The following KCTD16 variants were observed in gnomAD, a reference collection of about 807,000 sequenced individuals.
The protein encoded by KCTD16 is BTB/POZ domain-containing protein KCTD16.
A neutral mutation model predicts 33.2 loss-of-function variants in KCTD16; 13 were observed. That is an observed-to-expected ratio of 0.39 (90% CI 0.25 to 0.62). KCTD16 has a LOEUF of 0.62. Among genes scored for constraint, KCTD16 ranks in the 20% least tolerant of loss-of-function variants. The pLI is 0.50. For synonymous variants in KCTD16, 197 were observed against 195.3 expected, an observed-to-expected ratio of 1.01 and a Z score of -0.07; for missense variants, 441 against 525.1, an observed-to-expected ratio of 0.84 and a Z score of 1.57.
Position 144,295,471 on chromosome 5 carries a change from A to T in KCTD16, c.832+87925A>T, listed in dbSNP as rs539734139. On this transcript the variant is annotated intron_variant, in intron 3 of 3. Coordinates refer to ENST00000512467, the MANE Select transcript of KCTD16 (RefSeq NM_020768.4). ...GTGAGATTCAGACAAACTCCAGGGG[A>T]GGCAGTGTGACCCTTCAGGGGTTTC... 2.6e-5 allele frequency among the ~76,000 whole-genome samples: 4 copies of T among 152,284 alleles called. No homozygotes were observed. The South Asian group carries it at 8.3e-4, about 32-fold the overall frequency.
chr5:144,459,596 C>T (rs1380895578), intron 3 of KCTD16, among the ~76,000 whole-genome samples: 4 of 151,924 alleles, frequency 2.6e-5, no homozygotes, highest in African/African-American at 9.7e-5. Flanking sequence ...GTGATCTGCT[C>T]GCCTCAGCCT....
At chr5:144,279,157 T>C (rs2126853315) in intron 3 of KCTD16, among the ~76,000 whole-genome samples, 1 of 152,348 alleles carries the variant, frequency 6.6e-6, no homozygotes, top group East Asian at 1.9e-4. Flanking sequence ...CATGACCATG[T>C]TGAATTCGAA....
chr5:144,415,016 A>C (rs998592091), intron 3 of KCTD16, among the ~76,000 whole-genome samples: 1 of 152,204 alleles, frequency 6.6e-6, no homozygotes, highest in Non-Finnish European at 1.5e-5. Flanking sequence ...CCTGAGACTG[A>C]GTAATTCATA....
chr5:144,327,523 T>A (rs1752242172), intron 3 of KCTD16, among the ~76,000 whole-genome samples: 1 of 152,142 alleles, frequency 6.6e-6, no homozygotes, highest in African/African-American at 2.4e-5. Flanking sequence ...TTTGAAATAA[T>A]TAATTTTATT....
chr5:144,254,325 G>GTTT (rs35604859), intron 3 of KCTD16, among the ~76,000 whole-genome samples: 1 of 150,402 alleles, frequency 6.6e-6, no homozygotes, highest in African/African-American at 2.4e-5. Context: ...TGTTTTTTTA[G>GTTT]TTAGAGATGG....
chr5:144,253,591 A>G (rs1216365468), intron 3 of KCTD16, among the ~76,000 whole-genome samples: 1 of 152,188 alleles, frequency 6.6e-6, no homozygotes, highest in Admixed American at 6.5e-5. Flanking sequence ...TCAGAAATAA[A>G]CTTGGTGCAG....
At chr5:144,195,596 C>A (rs1341371400) in intron 2 of KCTD16, among the ~76,000 whole-genome samples, 2 of 152,216 alleles carry the variant, frequency 1.3e-5, no homozygotes, top group African/African-American at 4.8e-5. Context: ...TTAGTCTTCA[C>A]TGGCTGAGAA....
intron 3 of KCTD16, among the ~76,000 whole-genome samples, chr5:144,433,444 A>T (rs1328838686): frequency 6.6e-6 from 1 of 152,022 alleles, no homozygotes; most frequent in East Asian, 1.9e-4. Context: ...GGATTTTCTG[A>T]TTTTTTCAAG....
chr5:144,264,825 T>C (rs1483680169), intron 3 of KCTD16, among the ~76,000 whole-genome samples: 1 of 152,182 alleles, frequency 6.6e-6, no homozygotes, highest in Non-Finnish European at 1.5e-5. Context: ...CTCAAACTTT[T>C]CCTTGTGTAC....
chr5:144,362,545 A>T lies in KCTD16; in HGVS notation c.833-111115A>T, dbSNP rs559915911. Among the ~76,000 whole-genome samples the T allele has an allele frequency of 7.9e-5, 12 of 152,268 alleles. No homozygotes were observed. The South Asian group carries it at 2.5e-3, about 32-fold the overall frequency. ...TAGGGCTTACTATAACGTTTTAGGT[A>T]AGAACGATCACTACCTTGAGGTTCT... On this transcript the variant is annotated intron_variant, in intron 3 of 3. Coordinates refer to ENST00000512467, the MANE Select transcript of KCTD16 (RefSeq NM_020768.4).
intron 3 of KCTD16, among the ~76,000 whole-genome samples, chr5:144,335,698 T>C (rs539738964): frequency 6.6e-6 from 1 of 151,888 alleles, no homozygotes; most frequent in Non-Finnish European, 1.5e-5. Flanking sequence ...AAGCAGAACC[T>C]CTCAGAAAGA....
intron 3 of KCTD16, among the ~76,000 whole-genome samples, chr5:144,230,186 A>C (rs1404164466): frequency 6.6e-6 from 1 of 152,202 alleles, no homozygotes; most frequent in East Asian, 1.9e-4. Context: ...GCACTGTTTA[A>C]TGTTCCAGGG....
chr5:144,437,638 C>T (rs896474292), intron 3 of KCTD16, among the ~76,000 whole-genome samples: 4 of 152,178 alleles, frequency 2.6e-5, no homozygotes, highest in African/African-American at 9.7e-5. Flanking sequence ...ACCTAACAAA[C>T]AAACCAATAT....
At chr5:144,422,284 A>G (rs1009794064) in intron 3 of KCTD16, among the ~76,000 whole-genome samples, 1 of 152,154 alleles carries the variant, frequency 6.6e-6, no homozygotes, top group Non-Finnish European at 1.5e-5. Context: ...ATTTACATCT[A>G]AATGTTTCTG....
At chr5:144,375,540 G>T (rs1239224700) in intron 3 of KCTD16, among the ~76,000 whole-genome samples, 1 of 152,192 alleles carries the variant, frequency 6.6e-6, no homozygotes, top group African/African-American at 2.4e-5. Flanking sequence ...TGACCCTGCA[G>T]AAGAGGACAG....
intron 2 of KCTD16, among the ~76,000 whole-genome samples, chr5:144,182,745 T>TGA (rs139998235): frequency 3.4e-4 from 51 of 150,324 alleles, no homozygotes; most frequent in African/African-American, 1.1e-3. Flanking sequence ...GATCCCTGTC[T>TGA]GAGAGAGAGA....
At chr5:144,175,670 TG>T (rs1752490271) in intron 2 of KCTD16, among the ~76,000 whole-genome samples, 1 of 152,326 alleles carries the variant, frequency 6.6e-6, no homozygotes, top group East Asian at 1.9e-4. Flanking sequence ...ACTACTTACT[TG>T]CCATGGAGCT....
At chr5:144,388,590 A>G (rs1405137265) in intron 3 of KCTD16, among the ~76,000 whole-genome samples, 1 of 152,168 alleles carries the variant, frequency 6.6e-6, no homozygotes, top group African/African-American at 2.4e-5. Context: ...AACCCTAGAA[A>G]TGTAATTTAT....
chr5:144,359,890 C>T (rs1415112914), intron 3 of KCTD16, among the ~76,000 whole-genome samples: 3 of 151,888 alleles, frequency 2.0e-5, no homozygotes, highest in Admixed American at 6.6e-5. Context: ...TGTAAATGTG[C>T]ATTTTCTGGT....
Sources: gnomAD v4.1 joint callset for allele counts (sites outside exome capture counted in the v4.1 genomes callset) on GRCh38, gnomAD v4.1.1 for gene constraint, MANE v1.5 for transcripts, NCBI Gene and HGNC (gene_info 2026-07-23, HGNC 2026-07-21) for gene names.